MFAP1: variants seen among roughly 807,000 people sequenced by gnomAD.
MFAP1 encodes the protein microfibrillar-associated protein 1.
MFAP1 carries 18 observed loss-of-function variants against 62.2 expected under a neutral mutation model. The ratio of observed to expected loss-of-function variants is 0.29; its 90% CI spans 0.20 to 0.43. MFAP1 has a LOEUF of 0.43. Ranked by LOEUF, MFAP1 falls within the 20% of genes least tolerant of loss-of-function variation. MFAP1 has a pLI of 1.00. For missense variants in MFAP1, 355 were observed against 559.7 expected, an observed-to-expected ratio of 0.63 and a Z score of 3.69; for synonymous variants, 175 against 180.4, an observed-to-expected ratio of 0.97 and a Z score of 0.24.
chr15:43,817,661 GATA>G (rs1205739982), intron 1 of MFAP1, among the ~76,000 whole-genome samples: 2 of 152,164 alleles, frequency 1.3e-5, no homozygotes, highest in Non-Finnish European at 2.9e-5. Flanking sequence ...CAACACTGAT[GATA>G]ATGAGGCTTA....
In MFAP1 at chr15:43,813,069, C is replaced by T. The variant is rs2087411980; in HGVS notation, c.805G>A (p.Asp269Asn). The T allele has an allele frequency of 2.5e-6, 4 of 1,614,220 alleles. No homozygotes were observed. The East Asian group carries it at 8.9e-5, about 36-fold the overall frequency. The change falls in exon 6 of 9, where the codon GAT becomes AAT. Residue 269 changes from aspartate (D) to asparagine (N), a missense_variant. Coordinates refer to ENST00000267812, the MANE Select transcript of MFAP1 (RefSeq NM_005926.3). ...TCATATTCCTCCTCATCATTTTCAT[C>T]ATCAGTATTGAGTGCATCCAATGCA... is the stretch of plus-strand genomic sequence containing the variant. The part of the protein sequence containing the change: ...LAALDALNTD[D>N]ENDEEEYEAW...
intron 1 of MFAP1, 93 bp downstream of exon 1, chr15:43,824,398 C>A: frequency 1.7e-6 from 2 of 1,210,284 alleles, no homozygotes; most frequent in Non-Finnish European, 2.3e-6. Flanking sequence ...CAAGAGCTGG[C>A]GGGGTTGGAG....
intron 6 of MFAP1, among the ~76,000 whole-genome samples, chr15:43,811,696 T>G (rs927899029): frequency 8.6e-5 from 13 of 151,776 alleles, no homozygotes; most frequent in Non-Finnish European, 1.3e-4. Context: ...TTAGTAGAGA[T>G]AGGTTTTCAC....
rs775327615 is a variant in MFAP1, at chr15:43,817,440, A to C, written c.88T>G (p.Ser30Ala). 1 of 1,614,126 alleles carries C rather than the reference A, an allele frequency of 6.2e-7. No homozygotes were observed. The highest frequency in any genetic ancestry group is 1.1e-5 in the South Asian group (1 of 91,080). ...VPVRNEKGEISMEKVKVKRYV... is the reference protein window; with the variant it reads ...VPVRNEKGEIAMEKVKVKRYV... ...CGCTTTACCTTCACTTTTTCCATTGAAATCTCACCTGGGCGAGAAAGGTAA... is the reference window on the plus strand; with the variant it reads ...CGCTTTACCTTCACTTTTTCCATTGCAATCTCACCTGGGCGAGAAAGGTAA... Residue 30 changes from serine to alanine, a missense_variant, in exon 2 of 9, where the codon TCA (serine) becomes GCA (alanine). Ser to Ala is a moderately conservative substitution (Grantham distance 99, BLOSUM62 1). Around this residue, in one of 6 missense-constraint regions of MFAP1, gnomAD observed 29 missense variants for 46.0 expected, o/e 0.63. Transcript: ENST00000267812.
rs759533056 is a variant in MFAP1 at position 43,805,073 on chromosome 15, GGAA to G, written c.*18_*20del. ...GAGACTCCCCTTGTGTTCCACAGTT[GGAA>G]GAATAAGCAGTTGGACCCTAGGTAG... is the stretch of plus-strand genomic sequence containing the variant. On this transcript the variant is annotated 3_prime_UTR_variant, in exon 9 of 9. Coordinates refer to ENST00000267812, the MANE Select transcript of MFAP1 (RefSeq NM_005926.3). 2.6e-6 allele frequency: 4 copies of G among 1,551,320 alleles called. No homozygotes were observed. The East Asian group carries it at 9.1e-5, about 35-fold the overall frequency.
At position 43,817,335 on chromosome 15, in the gene MFAP1, T is replaced by C. The variant is rs780609555; in HGVS notation, c.193A>G (p.Lys65Glu). 6.2e-7 allele frequency: 1 copy of C among 1,614,162 alleles called. No individual in the cohort carries two copies. The highest frequency in any genetic ancestry group is 1.3e-5 in the African/African-American group (1 of 75,028). ...GGCTCTGCTTCTTGTTCTTTGGCTT[T>C]CTTAATGAACTGAAATTCTTCATCC... is the stretch of plus-strand genomic sequence containing the variant. ...EEDEEFQFIK[K>E]AKEQEAEPEE... Residue 65 changes from lysine (K) to glutamate (E), a missense_variant, in exon 2 of 9, where the codon AAA (lysine) becomes GAA (glutamate). Coordinates refer to ENST00000267812, the MANE Select transcript of MFAP1 (RefSeq NM_005926.3).
Position 43,813,373 on chromosome 15 carries a change from C to G in MFAP1, c.618-16G>C, listed in dbSNP as rs774135063. 6.3e-6 allele frequency: 10 copies of G among 1,597,442 alleles called. No individual in the cohort carries two copies. The highest frequency in any genetic ancestry group is 1.7e-4 in the Middle Eastern group (1 of 5,998). On this transcript the variant is annotated splice_polypyrimidine_tract_variant and intron_variant, in intron 4 of 8. Coordinates refer to ENST00000267812, the MANE Select transcript of MFAP1 (RefSeq NM_005926.3). ...TCGGTCCTTCCTGCATCACAGAGAT[C>G]CTGTTAATTGCCCAAAGTCCTTAGA...
intron 7 of MFAP1, among the ~76,000 whole-genome samples, 160 bp from the exon 8 acceptor site, chr15:43,805,625 T>C (rs2087359027): frequency 6.6e-6 from 1 of 152,078 alleles, no homozygotes; most frequent in Non-Finnish European, 1.5e-5. Context: ...TCTTTTTTTT[T>C]TTTCTGAGAC....
chr15:43,811,820 T>C (rs978294133), intron 6 of MFAP1, among the ~76,000 whole-genome samples: 3 of 151,948 alleles, frequency 2.0e-5, no homozygotes, highest in Non-Finnish European at 2.9e-5. Flanking sequence ...GAGTTATCTA[T>C]TGATGGTTTC....
intron 7 of MFAP1, among the ~76,000 whole-genome samples, chr15:43,806,741 G>A (rs545533611): frequency 1.7e-4 from 26 of 152,254 alleles, no homozygotes; most frequent in South Asian, 1.7e-3. Context: ...GCCTGGTGGC[G>A]CGCACCTGTA....
intron 6 of MFAP1, among the ~76,000 whole-genome samples, chr15:43,811,092 C>T (rs1376900613): frequency 6.6e-6 from 1 of 150,612 alleles, no homozygotes; most frequent in African/African-American, 2.4e-5. Flanking sequence ...ACTCCTACTC[C>T]TACAGGTCCA....
At chr15:43,810,713 C>T (rs940193771) in intron 6 of MFAP1, among the ~76,000 whole-genome samples, 2 of 151,378 alleles carry the variant, frequency 1.3e-5, no homozygotes, top group Admixed American at 1.3e-4. Context: ...GGAGTGATAT[C>T]CCTTGTCTCC....
chr15:43,821,277 G>C (rs2087465338), intron 1 of MFAP1, among the ~76,000 whole-genome samples: 2 of 152,178 alleles, frequency 1.3e-5, no homozygotes, highest in Admixed American at 1.3e-4. Context: ...AATATTTCAT[G>C]TTCAAGGATG....
At chr15:43,820,406 C>T (rs559959222) in intron 1 of MFAP1, among the ~76,000 whole-genome samples, 1 of 152,084 alleles carries the variant, frequency 6.6e-6, no homozygotes, top group African/African-American at 2.4e-5. Flanking sequence ...TATTATGGTT[C>T]TAATTTGGGC....
chr15:43,819,447 T>C (rs990903677), intron 1 of MFAP1, among the ~76,000 whole-genome samples: 7 of 152,092 alleles, frequency 4.6e-5, no homozygotes, highest in African/African-American at 1.7e-4. Context: ...TAGCCTACTA[T>C]TTTTTAAAGT....
At chr15:43,819,962 A>C (rs2087457546) in intron 1 of MFAP1, among the ~76,000 whole-genome samples, 1 of 152,226 alleles carries the variant, frequency 6.6e-6, no homozygotes, top group Admixed American at 6.5e-5. Context: ...CCTGGCTAAC[A>C]CAGTGAAACC....
intron 3 of MFAP1, 66 bp from the exon 4 acceptor site, chr15:43,814,754 CACA>C: frequency 1.2e-5 from 18 of 1,550,712 alleles, no homozygotes; most frequent in Non-Finnish European, 1.5e-5. Flanking sequence ...TCTCATCAAA[CACA>C]ACAAATTCAA....
chr15:43,814,566 C>G lies in MFAP1; in HGVS notation c.552G>C (p.Glu184Asp). 6.2e-7 allele frequency: 1 copy of G among 1,614,220 alleles called. No individual in the cohort carries two copies. Among genetic ancestry groups the G allele is most frequent in the Non-Finnish European group, 8.5e-7 (1 of 1,180,046 alleles). Residue 184 changes from glutamate (E) to aspartate (D), a missense_variant, in exon 4 of 9, where the codon GAG becomes GAC. Around this residue, in one of 6 missense-constraint regions of MFAP1, gnomAD observed 257 missense variants for 341.3 expected, o/e 0.75. Transcript: ENST00000267812. ...RSGEESESES[E>D]YEEYTDSEDE... ...CTTCACTGTCTGTGTACTCTTCATA[C>G]TCAGACTCTGATTCTGACTCCTCTC...
chr15:43,815,453 T>C (rs1596057525), intron 2 of MFAP1, among the ~76,000 whole-genome samples: 1 of 151,900 alleles, frequency 6.6e-6, no homozygotes, highest in African/African-American at 2.4e-5. Context: ...GCTGGGATTA[T>C]AGGTGTGAGC....
Sources: gnomAD v4.1 joint callset for allele counts (sites outside exome capture counted in the v4.1 genomes callset) on GRCh38, gnomAD v4.1.1 for gene constraint, gnomAD v4.1.1 regional missense constraint, MANE v1.5 for transcripts, NCBI Gene and HGNC (gene_info 2026-07-23, HGNC 2026-07-21) for gene names.